The following RANBP3 variants were observed in gnomAD, a reference collection of about 807,000 sequenced individuals.
RANBP3 encodes ran-binding protein 3.
Under a neutral mutation model 77.3 loss-of-function variants are expected in RANBP3, and 14 were observed. That is an observed-to-expected ratio of 0.18 (90% confidence interval 0.12 to 0.28). The LOEUF is 0.28. Ranked by LOEUF, RANBP3 falls within the 10% of genes least tolerant of loss-of-function variation. The pLI, the probability that RANBP3 is intolerant of heterozygous loss-of-function variation, is 1.00. For synonymous variants in RANBP3, 315 were observed against 312.4 expected, an observed-to-expected ratio of 1.01 and a Z score of -0.09; for missense variants, 586 against 752.3, an observed-to-expected ratio of 0.78 and a Z score of 2.59.
Position 5,924,030 on chromosome 19 carries a change from A to C in RANBP3, c.997-116T>G. On this transcript the variant is annotated intron_variant, in intron 11 of 16. Transcript: ENST00000340578. This position sits in a 1 kb window ranked among gnomAD's most constrained non-coding sequence, Gnocchi z 4.7. ...TACGCTGCCCCCAGCACTCCTGCCC[A>C]CTCCCGGTGACACCCTGAACTGCCT... 1 of 734,592 alleles carries C rather than the reference A, an allele frequency of 1.4e-6. No individual in the cohort carries two copies. The allele number at this position is 734,592 out of a possible 1,614,324, so 45.5% of individuals were successfully genotyped here.
chr19:5,945,671 T>C (rs902592563), intron 3 of RANBP3, among the ~76,000 whole-genome samples: 3 of 152,134 alleles, frequency 2.0e-5, no homozygotes, highest in Non-Finnish European at 4.4e-5. Flanking sequence ...CTCGACTATT[T>C]CTCCCTTCAG....
chr19:5,919,883 A>G (rs540348318), intron 14 of RANBP3, among the ~76,000 whole-genome samples: 33 of 145,648 alleles, frequency 2.3e-4, no homozygotes, highest in African/African-American at 8.5e-4. Flanking sequence ...ACTGGGCAAC[A>G]AGGGCAAAAC....
chr19:5,957,810 G>A (rs891687658), intron 2 of RANBP3, 108 bp downstream of exon 2: 28 of 1,201,400 alleles, frequency 2.3e-5, no homozygotes, highest in Admixed American at 1.9e-4. Context: ...AGGTCTCCCC[G>A]TCTGTGGGCA....
chr19:5,960,630 C>T (rs747249245), intron 1 of RANBP3, among the ~76,000 whole-genome samples: 5 of 152,096 alleles, frequency 3.3e-5, no homozygotes, highest in East Asian at 1.9e-4. Context: ...AAATGTGAGG[C>T]GAAGACACTT....
At chr19:5,960,328 C>T (rs918854829) in intron 1 of RANBP3, among the ~76,000 whole-genome samples, 1 of 152,214 alleles carries the variant, frequency 6.6e-6, no homozygotes, top group African/African-American at 2.4e-5. Flanking sequence ...CGCGGTCCAG[C>T]CACTGCAGAC....
At chr19:5,960,032 C>T (rs991083987) in intron 1 of RANBP3, among the ~76,000 whole-genome samples, 5 of 152,164 alleles carry the variant, frequency 3.3e-5, no homozygotes, top group South Asian at 2.1e-4. Flanking sequence ...CCAGGCCTTT[C>T]GCTGGAGATC....
intron 2 of RANBP3, among the ~76,000 whole-genome samples, chr19:5,957,030 G>A (rs564783345): frequency 1.3e-5 from 2 of 150,904 alleles, no homozygotes; most frequent in East Asian, 3.9e-4. Context: ...GGGGAGTGCC[G>A]CCGCTGGGCA....
chr19:5,939,359 A>AC (rs1212371921), intron 5 of RANBP3, among the ~76,000 whole-genome samples: 2 of 152,196 alleles, frequency 1.3e-5, no homozygotes, highest in African/African-American at 4.8e-5. Context: ...AGATCCCCAG[A>AC]CTATGAGCTG....
rs543522191 is a variant in RANBP3, at chr19:5,952,164, T to C, written c.79-568A>G. ...CCATTTGTTCTGCTTACACCCAGGA[T>C]CCAGAAAGTGCTTTCCCACCTCGGT... On this transcript the variant is annotated intron_variant, in intron 2 of 16. Transcript: ENST00000340578. The surrounding 1 kb of genome is among the most constrained non-coding windows in gnomAD (Gnocchi z 4.1). Among the ~76,000 whole-genome samples, 26 of 152,238 alleles carry C rather than the reference T, an allele frequency of 1.7e-4. 1 individual carries two copies. The South Asian group carries it at 4.8e-3, about 28-fold the overall frequency.
intron 5 of RANBP3, among the ~76,000 whole-genome samples, chr19:5,938,841 A>C (rs537279031): frequency 1.1e-4 from 16 of 152,278 alleles, no homozygotes; most frequent in Non-Finnish European, 1.9e-4. Context: ...TGAGTGGGGA[A>C]GGGGCAGGGA....
chr19:5,917,333 A>G lies in RANBP3; in HGVS notation c.*277T>C, dbSNP rs1378348126. ...TCTCCAGTCCCAGTGAGAAGCCGTG[A>G]CAAGTCTTAATGTGCCATTTCAATT... On this transcript the variant is annotated 3_prime_UTR_variant, in exon 17 of 17. Coordinates refer to ENST00000340578, the MANE Select transcript of RANBP3 (RefSeq NM_007322.3). 7.9e-6 allele frequency: 4 copies of G among 505,034 alleles called. No homozygotes were observed. In the East Asian group the frequency reaches 1.0e-4, roughly 13 times the overall value. The allele number at this position is 505,034 out of a possible 1,614,324, so 31.3% of individuals were successfully genotyped here. A position where few individuals can be genotyped will look rare whatever the true frequency, so the allele number is the denominator to read the frequency against.
chr19:5,936,187 C>T (rs1013523044), intron 5 of RANBP3, among the ~76,000 whole-genome samples: 3 of 152,218 alleles, frequency 2.0e-5, no homozygotes, highest in South Asian at 4.1e-4. Context: ...GGGGTCTGTG[C>T]GTGGACGGCG....
intron 5 of RANBP3, among the ~76,000 whole-genome samples, chr19:5,941,015 C>G (rs536519438): frequency 6.6e-6 from 1 of 152,364 alleles, no homozygotes; most frequent in Non-Finnish European, 1.5e-5. Flanking sequence ...GCCTCACGTC[C>G]AGGGCCTTCA....
intron 1 of RANBP3, among the ~76,000 whole-genome samples, chr19:5,969,274 T>G (rs2058503516): frequency 6.6e-6 from 1 of 152,204 alleles, no homozygotes; most frequent in African/African-American, 2.4e-5. Context: ...CTCTCTCCTC[T>G]GAGCAGAGGG....
At chr19:5,927,722 G>A (rs1436859085) in intron 9 of RANBP3, among the ~76,000 whole-genome samples, 1 of 152,204 alleles carries the variant, frequency 6.6e-6, no homozygotes, top group East Asian at 1.9e-4. Flanking sequence ...ATGAGAACCA[G>A]GGACCCTGAC....
chr19:5,917,833 C>T lies in RANBP3; in HGVS notation c.1621G>A (p.Asp541Asn), dbSNP rs776798051. The change falls in exon 16 of 17, where the codon GAT becomes AAT. Residue 541 changes from aspartate (D) to asparagine (N), a missense_variant. By Grantham distance (23) the Asp-to-Asn change is conservative. Around this residue, in one of 5 missense-constraint regions of RANBP3, gnomAD observed 128 missense variants for 157.0 expected, o/e 0.82. Coordinates refer to ENST00000340578, the MANE Select transcript of RANBP3 (RefSeq NM_007322.3). Reference protein sequence around the residue: ...APSNEEDDSDDDDVLAPSGAT... With the variant: ...APSNEEDDSDNDDVLAPSGAT... The stretch of plus-strand genomic sequence containing the variant: ...CCTGAAGGAGCCAGGACATCGTCAT[C>T]GTCGCTGTCGTCCTCCTCGTTGGAT... 5.0e-6 allele frequency: 8 copies of T among 1,612,272 alleles called. No homozygotes were observed. The highest frequency in any genetic ancestry group is 2.2e-5 in the East Asian group (1 of 44,886).
At chr19:5,975,355 C>G (rs1396495445) in intron 1 of RANBP3, among the ~76,000 whole-genome samples, 1 of 152,106 alleles carries the variant, frequency 6.6e-6, no homozygotes, top group East Asian at 1.9e-4. Flanking sequence ...CTCTTTGGCC[C>G]TTACCAGTTC....
rs370822530 is a variant in RANBP3 at position 5,947,067 on chromosome 19, A to G, written c.282+4326T>C. Among the ~76,000 whole-genome samples, 13 of 152,230 alleles carry G rather than the reference A, an allele frequency of 8.5e-5. No homozygotes were observed. In the East Asian group the frequency reaches 2.3e-3, roughly 27 times the overall value. ...GGTGGCTCATGCCTGTAATCCCAGC[A>G]CTTTGGGAGGCCTGGGCGGGTGGAT... On this transcript the variant is annotated intron_variant, in intron 3 of 16. Transcript: ENST00000340578.
At chr19:5,929,456 G>A (rs2057958515) in intron 8 of RANBP3, among the ~76,000 whole-genome samples, 1 of 152,222 alleles carries the variant, frequency 6.6e-6, no homozygotes, top group African/African-American at 2.4e-5. Flanking sequence ...CCTGAGATGG[G>A]GCAGGCAAAC....
Sources: allele counts gnomAD v4.1 joint callset (sites outside exome capture counted in the v4.1 genomes callset), GRCh38; gene constraint gnomAD v4.1.1; regional missense constraint gnomAD v4.1.1; non-coding constraint Gnocchi (gnomAD v3.1); transcripts MANE v1.5; gene names NCBI Gene and HGNC (gene_info 2026-07-23, HGNC 2026-07-21).